NEK11: variants seen among roughly 807,000 people sequenced by gnomAD.
The protein encoded by NEK11 is serine/threonine-protein kinase Nek11.
NEK11 carries 72 observed loss-of-function variants against 80.7 expected under a neutral mutation model. The ratio of observed to expected loss-of-function variants is 0.89; its 90% CI spans 0.74 to 1.08. The LOEUF (loss-of-function observed/expected upper bound fraction) is 1.08. NEK11 is among the 50% of genes least tolerant of loss of function. NEK11 has a pLI of 0.00. For missense variants in NEK11, 764 were observed against 763.6 expected, an observed-to-expected ratio of 1.00 and a Z score of -0.01; for synonymous variants, 251 against 260.7, an observed-to-expected ratio of 0.96 and a Z score of 0.36.
At chr3:131,207,154 C>T (rs1489006284) in intron 14 of NEK11, among the ~76,000 whole-genome samples, 4 of 152,252 alleles carry the variant, frequency 2.6e-5, no homozygotes, top group East Asian at 1.9e-4. Flanking sequence ...AATAGTAGCA[C>T]GATTTATAAT....
chr3:131,209,914 T>C (rs2094557809), intron 14 of NEK11, among the ~76,000 whole-genome samples: 3 of 152,214 alleles, frequency 2.0e-5, no homozygotes, highest in Non-Finnish European at 4.4e-5. Flanking sequence ...ATCTATTTTG[T>C]TGATCTCTTC....
chr3:131,089,820 T>C (rs1324008796), intron 4 of NEK11, among the ~76,000 whole-genome samples: 2 of 152,120 alleles, frequency 1.3e-5, no homozygotes, highest in African/African-American at 4.8e-5. Flanking sequence ...AACAAGCAAC[T>C]TGGAAGATTT....
At chr3:131,280,915 T>C (rs558619761) in intron 17 of NEK11, among the ~76,000 whole-genome samples, 5 of 152,348 alleles carry the variant, frequency 3.3e-5, no homozygotes, top group Admixed American at 6.5e-5. Flanking sequence ...CTCTATGCAA[T>C]GGCTGATGAA....
intron 17 of NEK11, among the ~76,000 whole-genome samples, chr3:131,333,737 G>A (rs2110126183): frequency 6.6e-6 from 1 of 152,282 alleles, no homozygotes; most frequent in East Asian, 1.9e-4. Flanking sequence ...CATGTGCTGA[G>A]ACACACATAG....
intron 17 of NEK11, chr3:131,325,250 C>G (rs2096948187): frequency 6.6e-6 from 1 of 151,272 alleles, no homozygotes; most frequent in African/African-American, 2.4e-5. Context: ...GCTATAGAAT[C>G]AAAGGGCATA....
At chr3:131,065,200 T>A (rs1560233754) in intron 3 of NEK11, among the ~76,000 whole-genome samples, 1 of 152,214 alleles carries the variant, frequency 6.6e-6, no homozygotes, top group Non-Finnish European at 1.5e-5. Context: ...TCCACTTACT[T>A]TGGACAATTA....
At chr3:131,035,227 G>A (rs1482960919) in intron 3 of NEK11, among the ~76,000 whole-genome samples, 2 of 152,160 alleles carry the variant, frequency 1.3e-5, no homozygotes, top group African/African-American at 4.8e-5. Context: ...AAAAGTCCTA[G>A]CAAGCTGATT....
At chr3:131,340,683 A>G (rs1006666338) in intron 17 of NEK11, among the ~76,000 whole-genome samples, 1 of 152,050 alleles carries the variant, frequency 6.6e-6, no homozygotes, top group Non-Finnish European at 1.5e-5. Flanking sequence ...ACATTAGGGA[A>G]CCTTCCTTCA....
chr3:131,276,045 G>T (rs1215566837), intron 17 of NEK11, among the ~76,000 whole-genome samples: 2 of 152,162 alleles, frequency 1.3e-5, no homozygotes, highest in African/African-American at 4.8e-5. Context: ...CCTTCACCTT[G>T]GCCTTCACAG....
At chr3:131,117,331 C>T (rs1048490860) in intron 5 of NEK11, among the ~76,000 whole-genome samples, 3 of 152,174 alleles carry the variant, frequency 2.0e-5, no homozygotes, top group Non-Finnish European at 4.4e-5. Flanking sequence ...TCCCATTGGT[C>T]TATATCTCTG....
chr3:131,345,000 C>A (rs529143264), intron 17 of NEK11, among the ~76,000 whole-genome samples: 1 of 152,288 alleles, frequency 6.6e-6, no homozygotes, highest in East Asian at 1.9e-4. Flanking sequence ...TCTGATGCAT[C>A]TGTTGTGATG....
chr3:131,066,720 T>C (rs2072042814), intron 3 of NEK11, among the ~76,000 whole-genome samples: 1 of 151,396 alleles, frequency 6.6e-6, no homozygotes, highest in African/African-American at 2.4e-5. Context: ...CACATGCCTG[T>C]AATCCCAGCT....
intron 5 of NEK11, among the ~76,000 whole-genome samples, chr3:131,114,105 T>TTA (rs1230456316): frequency 2.0e-5 from 3 of 151,890 alleles, no homozygotes; most frequent in East Asian, 1.9e-4. Flanking sequence ...AATGGAGCAG[T>TTA]TATATATATA....
At chr3:131,115,932 TTC>T (rs1578488389) in intron 5 of NEK11, among the ~76,000 whole-genome samples, 1 of 114,650 alleles carries the variant, frequency 8.7e-6, no homozygotes, top group Non-Finnish European at 1.9e-5. Context: ...CTTTCTTTCT[TTC>T]TTTCTTTCTT....
chr3:131,161,138 A>T (rs2091501691), intron 10 of NEK11, among the ~76,000 whole-genome samples: 1 of 147,412 alleles, frequency 6.8e-6, no homozygotes, highest in Non-Finnish European at 1.5e-5. Context: ...CAACAGAGCA[A>T]GACTCCATCT....
intron 4 of NEK11, among the ~76,000 whole-genome samples, chr3:131,099,796 A>G (rs2149254129): frequency 6.6e-6 from 1 of 152,268 alleles, no homozygotes; most frequent in African/African-American, 2.4e-5. Flanking sequence ...TAGAAATGCT[A>G]TTGATTTTTG....
At chr3:131,106,800 C>T (rs1349326843) in intron 4 of NEK11, among the ~76,000 whole-genome samples, 1 of 152,132 alleles carries the variant, frequency 6.6e-6, no homozygotes, top group Admixed American at 6.6e-5. Flanking sequence ...ACATTCATAA[C>T]ATACATACTG....
At chr3:131,343,272 G>A (rs2097312845) in intron 17 of NEK11, among the ~76,000 whole-genome samples, 1 of 152,168 alleles carries the variant, frequency 6.6e-6, no homozygotes, top group African/African-American at 2.4e-5. Context: ...ATGACTGCAG[G>A]AGGGAATGTC....
intron 17 of NEK11, among the ~76,000 whole-genome samples, chr3:131,340,397 G>C (rs529419804): frequency 1.6e-4 from 25 of 152,172 alleles, no homozygotes; most frequent in African/African-American, 5.5e-4. Flanking sequence ...GTATTCTTTA[G>C]AGCCCTTATT....
Sources: gnomAD v4.1 joint callset for allele counts (sites outside exome capture counted in the v4.1 genomes callset) on GRCh38, gnomAD v4.1.1 for gene constraint, MANE v1.5 for transcripts, NCBI Gene and HGNC (gene_info 2026-07-23, HGNC 2026-07-21) for gene names.